The following DCC variants were observed in gnomAD, a reference collection of about 807,000 sequenced individuals.
DCC encodes DCC netrin 1 receptor.
Under a neutral mutation model 172.5 loss-of-function variants are expected in DCC, and 58 were observed. The ratio of observed to expected loss-of-function variants is 0.34; its 90% CI spans 0.27 to 0.42. The LOEUF (loss-of-function observed/expected upper bound fraction) is 0.42. Among genes scored for constraint, DCC ranks in the 10% least tolerant of loss-of-function variants. The pLI, the probability that DCC is intolerant of heterozygous loss-of-function variation, is 1.00. For synonymous variants in DCC, 709 were observed against 644.5 expected (o/e 1.10, Z -1.52); for missense variants, 1,740 against 1,791.0 (o/e 0.97, Z 0.51).
At chr18:52,474,638 C>T (rs776198732) in intron 1 of DCC, among the ~76,000 whole-genome samples, 98 of 152,294 alleles carry the variant, frequency 6.4e-4, no homozygotes, top group Non-Finnish European at 1.2e-3. Context: ...CCATTCTGAA[C>T]AGTGATTCCT....
chr18:52,799,118 A>C (rs2037933693), intron 2 of DCC, among the ~76,000 whole-genome samples: 1 of 152,214 alleles, frequency 6.6e-6, no homozygotes, highest in African/African-American at 2.4e-5. Flanking sequence ...TGTTCTTGTG[A>C]TGCTTAATAC....
intron 2 of DCC, among the ~76,000 whole-genome samples, chr18:52,810,040 G>A (rs1463098816): frequency 6.6e-6 from 1 of 151,634 alleles, no homozygotes; most frequent in Admixed American, 6.6e-5. Flanking sequence ...AGCTAGTCCT[G>A]TCTCTCAATT....
At chr18:52,441,909 G>A (rs899060662) in intron 1 of DCC, among the ~76,000 whole-genome samples, 5 of 152,158 alleles carry the variant, frequency 3.3e-5, no homozygotes, top group African/African-American at 1.2e-4. Flanking sequence ...GGCTTCATCA[G>A]AATTCTGCCA....
At chr18:53,043,280 A>G (rs1196872166) in intron 5 of DCC, among the ~76,000 whole-genome samples, 2 of 141,122 alleles carry the variant, frequency 1.4e-5, no homozygotes, top group East Asian at 2.2e-4. Flanking sequence ...ACATGAACAC[A>G]GGGAGGGGAA....
At chr18:52,926,847 A>G (rs1286158941) in intron 5 of DCC, among the ~76,000 whole-genome samples, 3 of 145,904 alleles carry the variant, frequency 2.1e-5, no homozygotes, top group Non-Finnish European at 4.6e-5. Flanking sequence ...ACACACACAC[A>G]TATACGTGTG....
At chr18:52,519,575 G>A (rs1284222376) in intron 1 of DCC, among the ~76,000 whole-genome samples, 4 of 152,150 alleles carry the variant, frequency 2.6e-5, no homozygotes, top group Admixed American at 6.5e-5. Flanking sequence ...AAGTAAGAGA[G>A]GAACAGGTAA....
At chr18:52,815,267 G>A (rs1168905829) in intron 2 of DCC, among the ~76,000 whole-genome samples, 2 of 152,076 alleles carry the variant, frequency 1.3e-5, no homozygotes, top group Admixed American at 6.6e-5. Context: ...CCTCAATGTG[G>A]CTGTATTTGG....
chr18:52,487,484 C>T lies in DCC; in HGVS notation c.91+146606C>T, dbSNP rs991654101. ...AACAATAATGAAAAACTTGAAATAA[C>T]GAAAAGCACTAAATTAATTAGAAGA... On this transcript the variant is annotated intron_variant, in intron 1 of 28. Coordinates refer to ENST00000442544, the MANE Select transcript of DCC (RefSeq NM_005215.4). Among the ~76,000 whole-genome samples, 8 of 152,000 alleles carry T rather than the reference C, an allele frequency of 5.3e-5. No homozygotes were observed. The South Asian group carries it at 1.0e-3, about 20-fold the overall frequency.
chr18:52,392,678 G>A (rs1568147635), intron 1 of DCC, among the ~76,000 whole-genome samples: 1 of 152,030 alleles, frequency 6.6e-6, no homozygotes, highest in South Asian at 2.1e-4. Context: ...TAATGCCTTT[G>A]TCTGTGATCC....
intron 1 of DCC, among the ~76,000 whole-genome samples, chr18:52,688,820 A>G (rs1422411390): frequency 6.6e-6 from 1 of 152,130 alleles, no homozygotes; most frequent in Admixed American, 6.6e-5. Context: ...GCTGCAAATA[A>G]CAGTAGCTCT....
rs949708131 is a variant in DCC, at chr18:52,640,626, GA to G, written c.92-111418del. Among the ~76,000 whole-genome samples the G allele has an allele frequency of 7.6e-3, 1,109 of 145,382 alleles. 7 individuals carry two copies. The highest frequency in any genetic ancestry group is 0.012 in the Non-Finnish European group (774 of 65,532). The stretch of plus-strand genomic sequence containing the variant: ...CTTTTTACAATAGCTGCAAAAAAAA[GA>G]AAAAAAAAACTTAGGAATATACCTA... On this transcript the variant is annotated intron_variant, in intron 1 of 28. Transcript: ENST00000442544.
chr18:53,159,691 G>A (rs767985153), intron 8 of DCC, among the ~76,000 whole-genome samples: 1 of 149,130 alleles, frequency 6.7e-6, no homozygotes, highest in African/African-American at 2.4e-5. Context: ...ATATGTAAAA[G>A]TGTGGTTTCT....
intron 1 of DCC, among the ~76,000 whole-genome samples, chr18:52,567,819 T>TA (rs959111911): frequency 1.3e-4 from 19 of 151,080 alleles, no homozygotes; most frequent in Admixed American, 2.6e-4. Flanking sequence ...GTATTGAGCT[T>TA]AAAAAAAAAC....
chr18:52,827,908 A>C lies in DCC; in HGVS notation c.412+75534A>C, dbSNP rs560923947. Among the ~76,000 whole-genome samples, 37 of 152,242 alleles carry C rather than the reference A, an allele frequency of 2.4e-4. No individual in the cohort carries two copies. In the East Asian group the frequency reaches 7.0e-3, roughly 29 times the overall value. Reference sequence around the variant, plus strand: ...GCTGCATTATCTCAAAGGACCCTCCAACTCAGGTCTGTGCTTGGTTTTGTG... The same window carrying C: ...GCTGCATTATCTCAAAGGACCCTCCCACTCAGGTCTGTGCTTGGTTTTGTG... On this transcript the variant is annotated intron_variant, in intron 2 of 28. Coordinates refer to ENST00000442544, the MANE Select transcript of DCC (RefSeq NM_005215.4).
intron 12 of DCC, among the ~76,000 whole-genome samples, chr18:53,258,381 T>G (rs1449587064): frequency 1.3e-5 from 2 of 152,154 alleles, no homozygotes; most frequent in African/African-American, 4.8e-5. Flanking sequence ...ACACTGCTTT[T>G]AATGTGTCCC....
intron 1 of DCC, among the ~76,000 whole-genome samples, chr18:52,615,701 C>T (rs1478617098): frequency 6.6e-6 from 1 of 151,966 alleles, no homozygotes. Flanking sequence ...TGGTTAAGTA[C>T]CCAAAATTGA....
intron 2 of DCC, among the ~76,000 whole-genome samples, chr18:52,852,882 C>G (rs2038998033): frequency 6.6e-6 from 1 of 152,124 alleles, no homozygotes; most frequent in Non-Finnish European, 1.5e-5. Flanking sequence ...GTCTACCCAG[C>G]TGCAGTATGA....
chr18:52,990,414 C>A (rs914210195), intron 5 of DCC, among the ~76,000 whole-genome samples: 1 of 151,780 alleles, frequency 6.6e-6, no homozygotes, highest in Non-Finnish European at 1.5e-5. Flanking sequence ...GTGGTCCATG[C>A]CTGTAATCCC....
At chr18:53,396,892 T>G (rs1012427158) in intron 17 of DCC, among the ~76,000 whole-genome samples, 1 of 152,190 alleles carries the variant, frequency 6.6e-6, no homozygotes, top group Admixed American at 6.5e-5. Context: ...AAGTGGAATT[T>G]GTCCTGTTGT....
Sources: allele counts gnomAD v4.1 joint callset (sites outside exome capture counted in the v4.1 genomes callset), GRCh38; gene constraint gnomAD v4.1.1; transcripts MANE v1.5; gene names NCBI Gene and HGNC (gene_info 2026-07-23, HGNC 2026-07-21).